GNRHR: variants seen among roughly 807,000 people sequenced by gnomAD.
GNRHR encodes gonadotropin-releasing hormone receptor.
Under a neutral mutation model 28.1 loss-of-function variants are expected in GNRHR, and 14 were observed. The observed-to-expected ratio is 0.50, with a 90% confidence interval of 0.33 to 0.78. The LOEUF (loss-of-function observed/expected upper bound fraction) is 0.78, where lower values mean the gene tolerates loss of function less well. GNRHR is among the 30% of genes least tolerant of loss of function. GNRHR has a pLI of 0.02. For missense variants in GNRHR, 366 were observed against 382.1 expected (o/e 0.96, Z 0.35); for synonymous variants, 141 against 140.5 (o/e 1.00, Z -0.02).
chr4:67,748,723 AATAAAATAAAT>A (rs989949912), intron 1 of GNRHR, among the ~76,000 whole-genome samples: 90 of 142,654 alleles, frequency 6.3e-4, no homozygotes, highest in African/African-American at 2.1e-3. Flanking sequence ...TAATAATAAT[AATAAAATAAAT>A]AAATAAATAA....
intron 1 of GNRHR, chr4:67,751,593 A>C (rs1731866506): frequency 6.6e-6 from 1 of 152,202 alleles, no homozygotes; most frequent in Non-Finnish European, 1.5e-5. Context: ...ACATCAAGTT[A>C]GATAAATATT....
intron 1 of GNRHR, chr4:67,753,576 G>A (rs1247357417): frequency 5.4e-6 from 3 of 550,710 alleles, no homozygotes; most frequent in Non-Finnish European, 9.7e-6. Flanking sequence ...CACAAAAGCA[G>A]TATTAAGTAA....
At position 67,740,699 on chromosome 4, in the gene GNRHR, G is replaced by A. The variant is rs915268973; in HGVS notation, c.768C>T (p.Asn256=). The change falls in exon 3 of 3, where the codon AAC becomes AAT. Residue 256 remains asparagine (N), a synonymous_variant. Transcript: ENST00000226413. The stretch of plus-strand genomic sequence containing the variant: ...TCTTCAGCCGTGCTCTTGGTATATT[G>A]TTCTTGGACTGATTCAGTTGTAGTT... ...PHELQLNQSK[N]NIPRARLKTL... 6.8e-6 allele frequency: 11 copies of A among 1,607,124 alleles called. No homozygotes were observed. The highest frequency in any genetic ancestry group is 9.4e-6 in the Non-Finnish European group (11 of 1,173,792).
At chr4:67,746,200 T>C (rs1731752051) in intron 1 of GNRHR, among the ~76,000 whole-genome samples, 1 of 152,040 alleles carries the variant, frequency 6.6e-6, no homozygotes, top group Non-Finnish European at 1.5e-5. Context: ...TACAGCTTAC[T>C]TTTAAGCAAT....
At chr4:67,746,342 A>G (rs1374641977) in intron 1 of GNRHR, among the ~76,000 whole-genome samples, 3 of 152,122 alleles carry the variant, frequency 2.0e-5, no homozygotes, top group African/African-American at 7.2e-5. Flanking sequence ...TATTTTTAAA[A>G]AGCCTTTATC....
chr4:67,746,444 A>T (rs1731755674), intron 1 of GNRHR, among the ~76,000 whole-genome samples: 1 of 152,088 alleles, frequency 6.6e-6, no homozygotes, highest in South Asian at 2.1e-4. Flanking sequence ...TTTATTCATT[A>T]TTCCTCTATT....
rs1731639698 is a variant in GNRHR at position 67,740,578 on chromosome 4, A to G, written c.889T>C (p.Leu297=). 2 of 1,611,688 alleles carry G rather than the reference A, an allele frequency of 1.2e-6. No homozygotes were observed. Among genetic ancestry groups the G allele is most frequent in the Non-Finnish European group, 8.5e-7 (1 of 1,177,798 alleles). The change falls in exon 3 of 3, where the codon TTA becomes CTA. Residue 297 remains leucine, a synonymous_variant. Coordinates refer to ENST00000226413, the MANE Select transcript of GNRHR (RefSeq NM_000406.3). The part of the protein sequence containing the change: ...GIWYWFDPEM[L]NRLSDPVNHF... ...TTTACTGGGTCTGACAACCTGTTTA[A>G]CATTTCAGGATCAAACCAATACCAA...
rs58921483 is a variant in GNRHR, at chr4:67,740,402, C to T, written c.*78G>A. The T allele has an allele frequency of 1.4e-3, 1,465 of 1,081,236 alleles. 20 individuals carry two copies. The African/African-American group carries it at 0.02, about 15-fold the overall frequency. 67.0% of individuals were successfully genotyped at this position (1,081,236 alleles called of 1,614,324 possible). On this transcript the variant is annotated 3_prime_UTR_variant, in exon 3 of 3. Transcript: ENST00000226413. ...TTGTTTGTATGTAAACATGCTCCAA[C>T]ATTTGTGTTAATCATTCCCAGATGG...
At chr4:67,749,786 G>A (rs1731834851) in intron 1 of GNRHR, among the ~76,000 whole-genome samples, 1 of 151,628 alleles carries the variant, frequency 6.6e-6, no homozygotes, top group Non-Finnish European at 1.5e-5. Context: ...GCTCTGACAT[G>A]TATAATTAGC....
Position 67,740,379 on chromosome 4 carries a change from G to C in GNRHR, c.*101C>G. 2.3e-6 allele frequency: 2 copies of C among 887,496 alleles called. No individual in the cohort carries two copies. The highest frequency in any genetic ancestry group is 3.8e-6 in the Non-Finnish European group (2 of 532,864). The allele number at this position is 887,496 out of a possible 1,614,324, so 55.0% of individuals were successfully genotyped here. On this transcript the variant is annotated 3_prime_UTR_variant, in exon 3 of 3. Transcript: ENST00000226413. ...ATAACTTAAGTGTAAATCCTACTTT[G>C]TTTGTATGTAAACATGCTCCAACAT... is the stretch of plus-strand genomic sequence containing the variant.
At chr4:67,742,169 A>G (rs1257872737) in intron 2 of GNRHR, among the ~76,000 whole-genome samples, 1 of 152,136 alleles carries the variant, frequency 6.6e-6, no homozygotes, top group Non-Finnish European at 1.5e-5. Flanking sequence ...ATCTTCTAGA[A>G]TCTTTATGGT....
At chr4:67,752,667 T>G (rs1053390068) in intron 1 of GNRHR, among the ~76,000 whole-genome samples, 4 of 152,206 alleles carry the variant, frequency 2.6e-5, no homozygotes, top group African/African-American at 9.7e-5. Flanking sequence ...TGAAAACATT[T>G]TAGTTTTTCC....
In GNRHR at chr4:67,754,344, A is replaced by G; in HGVS notation, c.-9T>C. ...GAGGCACTGTTTGCCATATTTTCCC[A>G]GGACAGAGCTTCAAGCCTTGTGTCT... On this transcript the variant is annotated 5_prime_UTR_variant, in exon 1 of 3. Transcript: ENST00000226413. 1 of 1,606,220 alleles carries G rather than the reference A, an allele frequency of 6.2e-7. No homozygotes were observed. The highest frequency in any genetic ancestry group is 1.1e-5 in the South Asian group (1 of 91,014).
chr4:67,753,358 A>G (rs1731904489), intron 1 of GNRHR, among the ~76,000 whole-genome samples: 1 of 152,246 alleles, frequency 6.6e-6, no homozygotes, highest in African/African-American at 2.4e-5. Context: ...CTAAATAAGA[A>G]ACATTATAAA....
chr4:67,753,567 A>T, intron 1 of GNRHR: 1 of 517,262 alleles, frequency 1.9e-6, no homozygotes, highest in East Asian at 3.2e-5. Context: ...TTTATTCATC[A>T]CAAAAGCAGT....
intron 1 of GNRHR, among the ~76,000 whole-genome samples, chr4:67,748,662 C>G (rs186649971): frequency 5.4e-4 from 82 of 151,372 alleles, no homozygotes; most frequent in African/African-American, 1.9e-3. Flanking sequence ...CACATGTATA[C>G]ATATGTAACA....
intron 1 of GNRHR, among the ~76,000 whole-genome samples, chr4:67,749,364 A>T (rs780371059): frequency 3.3e-5 from 5 of 152,166 alleles, no homozygotes; most frequent in African/African-American, 7.2e-5. Context: ...AATACTCTGT[A>T]TTAGTACAGA....
chr4:67,751,641 T>C (rs1731867546), intron 1 of GNRHR: 1 of 152,234 alleles, frequency 6.6e-6, no homozygotes, highest in Non-Finnish European at 1.5e-5. Context: ...AATACTTAGA[T>C]GAAAATAATT....
intron 1 of GNRHR, among the ~76,000 whole-genome samples, chr4:67,745,938 C>G (rs1430473659): frequency 1.3e-5 from 2 of 152,028 alleles, no homozygotes; most frequent in Non-Finnish European, 2.9e-5. Flanking sequence ...CAAAGAAAGA[C>G]TGAGAAATGG....
Sources: gnomAD v4.1 joint callset for allele counts (sites outside exome capture counted in the v4.1 genomes callset) on GRCh38, gnomAD v4.1.1 for gene constraint, MANE v1.5 for transcripts, NCBI Gene and HGNC (gene_info 2026-07-23, HGNC 2026-07-21) for gene names.